The following POLA1 variants were observed in gnomAD, a reference collection of about 807,000 sequenced individuals.
POLA1 encodes the protein DNA polymerase alpha 1, catalytic subunit, also known as DNA polymerase alpha catalytic subunit.
In POLA1, 15 loss-of-function variants were observed where a neutral mutation model predicts 124.0. The observed-to-expected ratio is 0.12, with a 90% CI of 0.08 to 0.19. POLA1 has a LOEUF of 0.19. Among genes scored for constraint, POLA1 ranks in the 10% least tolerant of loss-of-function variants. The probability of loss-of-function intolerance (pLI) is 1.00; values close to 1 mark genes in which losing one functional copy is unlikely to be tolerated. For missense variants in POLA1, 886 were observed against 1,103.4 expected, an observed-to-expected ratio of 0.80 and a Z score of 2.79; for synonymous variants, 408 against 389.4, an observed-to-expected ratio of 1.05 and a Z score of -0.56.
intron 26 of POLA1, among the ~76,000 whole-genome samples, chrX:24,787,213 T>G (rs2045384198): frequency 8.9e-6 from 1 of 112,038 alleles, no homozygotes; most frequent in South Asian, 3.7e-4. Flanking sequence ...CTTTTTAGTT[T>G]GTTGCAGTCT....
intron 26 of POLA1, among the ~76,000 whole-genome samples, chrX:24,786,468 C>G (rs2045363375): frequency 9.0e-6 from 1 of 110,666 alleles, no homozygotes; most frequent in South Asian, 3.9e-4. Flanking sequence ...GGAAAAATAT[C>G]TATTCAGGTC....
At chrX:24,903,898 A>C (rs921847515) in intron 35 of POLA1, among the ~76,000 whole-genome samples, 2 of 109,728 alleles carry the variant, frequency 1.8e-5, no homozygotes, top group African/African-American at 6.6e-5. Flanking sequence ...TTAAAGATGA[A>C]GACCAGATTT....
At chrX:24,894,531 G>A (rs1244300052) in intron 35 of POLA1, among the ~76,000 whole-genome samples, 1 of 111,991 alleles carries the variant, frequency 8.9e-6, no homozygotes, top group South Asian at 3.7e-4. Flanking sequence ...TGTTGGCGGG[G>A]CCATTTTCCC....
At position 24,748,907 on chromosome X, in the gene POLA1, A is replaced by G. The variant is rs778554454; in HGVS notation, c.2879A>G (p.Asn960Ser). The G allele has an allele frequency of 8.3e-7, 1 of 1,205,717 alleles. No homozygotes were observed. The highest frequency in any genetic ancestry group is 1.1e-6 in the Non-Finnish European group (1 of 889,867). The change falls in exon 26 of 37, where the codon AAC becomes AGC. Residue 960 changes from asparagine (N) to serine (S), a missense_variant. Physicochemically the swap from Asn to Ser is conservative, Grantham distance 46. Transcript: ENST00000379068. ...CAGAAGGCTTTGAAGCTCACAGCGA[A>G]CAGTATGTATGGTTGCCTGGGATTT... ...IRQKALKLTANSMYGCLGFSY... is the reference protein window; with the variant it reads ...IRQKALKLTASSMYGCLGFSY...
intron 2 of POLA1, among the ~76,000 whole-genome samples, chrX:24,702,046 A>T (rs1428498755): frequency 2.3e-5 from 2 of 88,780 alleles, no homozygotes; most frequent in Non-Finnish European, 4.4e-5. Flanking sequence ...GAGCCACTGC[A>T]CCTGGCCGAG....
chrX:24,940,149 T>C (rs1315964707), intron 36 of POLA1, among the ~76,000 whole-genome samples: 1 of 112,029 alleles, frequency 8.9e-6, no homozygotes, highest in East Asian at 2.8e-4. Context: ...CACAAACATG[T>C]AACATCAGAC....
chrX:24,924,234 T>C (rs1016943827), intron 35 of POLA1, among the ~76,000 whole-genome samples: 1 of 111,949 alleles, frequency 8.9e-6, no homozygotes, highest in Non-Finnish European at 1.9e-5. Flanking sequence ...GTCATGGTGC[T>C]CGGTGCTTTT....
At chrX:24,736,775 A>AG (rs1931304392) in intron 18 of POLA1, among the ~76,000 whole-genome samples, 1 of 111,812 alleles carries the variant, frequency 8.9e-6, no homozygotes, top group African/African-American at 3.3e-5. Context: ...AACTCTTTTC[A>AG]TTTTGTAAAA....
In POLA1 at chrX:24,733,365, A is replaced by G. The variant is rs958086642; in HGVS notation, c.1772-390A>G. On this transcript the variant is annotated intron_variant, in intron 16 of 36. Coordinates refer to ENST00000379068, the MANE Select transcript of POLA1 (RefSeq NM_001330360.2). ...GAACAGCTGTTGTGTATGGTAAGGA[A>G]CTTACAGTGTGTAATAGGGGAAGCT... Among the ~76,000 whole-genome samples the G allele has an allele frequency of 7.1e-5, 8 of 112,484 alleles. No homozygotes were observed. The South Asian group carries it at 1.5e-3, about 21-fold the overall frequency.
intron 26 of POLA1, among the ~76,000 whole-genome samples, chrX:24,797,495 A>G (rs1365275364): frequency 1.8e-5 from 2 of 110,572 alleles, no homozygotes; most frequent in African/African-American, 6.6e-5. Flanking sequence ...ATGTGTGTGT[A>G]TGTAGTATGT....
intron 24 of POLA1, among the ~76,000 whole-genome samples, 161 bp from the exon 25 acceptor site, chrX:24,748,150 A>G (rs975191412): frequency 2.7e-5 from 3 of 112,391 alleles, no homozygotes; most frequent in African/African-American, 9.7e-5. Flanking sequence ...CTGTTCTACA[A>G]CCCTCTCAGC....
chrX:24,849,865 C>G (rs1446462408), intron 34 of POLA1, among the ~76,000 whole-genome samples: 1 of 111,043 alleles, frequency 9.0e-6, no homozygotes, highest in Admixed American at 9.6e-5. Context: ...CTCCTGACCT[C>G]GTGATTCGCC....
rs147826096 is a variant in POLA1 at position 24,699,097 on chromosome X, G to A, written c.44-328G>A. 7.2e-3 allele frequency among the ~76,000 whole-genome samples: 808 copies of A among 112,194 alleles called. 7 individuals carry two copies. The highest frequency in any genetic ancestry group is 9.2e-3 in the Middle Eastern group (2 of 217). On this transcript the variant is annotated intron_variant, in intron 1 of 36. Transcript: ENST00000379068. ...CTGGCTGGTCATTTCTAATGGAAAG[G>A]TGATAAATTAGCTAACAGCTGATCT...
At chrX:24,871,795 T>G (rs2147114478) in intron 34 of POLA1, among the ~76,000 whole-genome samples, 1 of 111,465 alleles carries the variant, frequency 9.0e-6, no homozygotes, top group South Asian at 3.8e-4. Flanking sequence ...TAAATAAGAC[T>G]TATGTTAGGG....
chrX:24,709,104 C>T (rs377316808), intron 4 of POLA1, among the ~76,000 whole-genome samples: 1 of 80,750 alleles, frequency 1.2e-5, no homozygotes, highest in Non-Finnish European at 2.6e-5. Flanking sequence ...GGCGGCTGGC[C>T]GGGCAGAGGG....
chrX:24,974,787 T>G (rs781721741), intron 36 of POLA1, among the ~76,000 whole-genome samples: 1 of 111,930 alleles, frequency 8.9e-6, no homozygotes, highest in South Asian at 3.8e-4. Context: ...AACCTGCACG[T>G]TCTGCACATG....
At chrX:24,834,647 C>T (rs932406823) in intron 32 of POLA1, among the ~76,000 whole-genome samples, 7 of 111,011 alleles carry the variant, frequency 6.3e-5, no homozygotes, top group Non-Finnish European at 1.1e-4. Flanking sequence ...GGCGTGGTGG[C>T]GGGCACCTGT....
At chrX:24,978,153 G>C (rs1344297944) in intron 36 of POLA1, among the ~76,000 whole-genome samples, 1 of 111,959 alleles carries the variant, frequency 8.9e-6, no homozygotes, top group Non-Finnish European at 1.9e-5. Flanking sequence ...TGTATTTAGT[G>C]TGCCATCTAT....
intron 35 of POLA1, among the ~76,000 whole-genome samples, chrX:24,898,536 A>G (rs950375120): frequency 8.9e-6 from 1 of 112,595 alleles, no homozygotes; most frequent in African/African-American, 3.2e-5. Context: ...GGAAGAAATT[A>G]TGCGCACAAA....
Sources: allele counts gnomAD v4.1 joint callset (sites outside exome capture counted in the v4.1 genomes callset), GRCh38; gene constraint gnomAD v4.1.1; transcripts MANE v1.5; gene names NCBI Gene and HGNC (gene_info 2026-07-23, HGNC 2026-07-21).